The following NAALADL2 variants were observed in gnomAD, a reference collection of about 807,000 sequenced individuals.
The protein encoded by NAALADL2 is inactive N-acetylated-alpha-linked acidic dipeptidase-like protein 2.
A neutral mutation model predicts 87.2 loss-of-function variants in NAALADL2; 76 were observed. That is an observed-to-expected ratio of 0.87 (90% CI 0.72 to 1.05). NAALADL2 has a LOEUF of 1.05. Ranked by LOEUF, NAALADL2 falls within the 50% of genes least tolerant of loss-of-function variation. The pLI is 0.00. For synonymous variants in NAALADL2, 354 were observed against 331.0 expected (o/e 1.07, Z -0.75); for missense variants, 1,089 against 945.8 (o/e 1.15, Z -1.99).
intron 2 of NAALADL2, among the ~76,000 whole-genome samples, chr3:174,660,263 C>A (rs1725379986): frequency 6.6e-6 from 1 of 152,086 alleles, no homozygotes; most frequent in African/African-American, 2.4e-5. Context: ...CTCAACTTTG[C>A]CAATGATTTT....
intron 13 of NAALADL2, among the ~76,000 whole-genome samples, chr3:175,788,635 A>G (rs1228809761): frequency 6.6e-6 from 1 of 152,198 alleles, no homozygotes; most frequent in Non-Finnish European, 1.5e-5. Flanking sequence ...ATGAAATCAT[A>G]TAATGATGCA....
intron 3 of NAALADL2, among the ~76,000 whole-genome samples, chr3:175,248,148 G>A (rs896092401): frequency 6.6e-6 from 1 of 152,092 alleles, no homozygotes; most frequent in Admixed American, 6.6e-5. Flanking sequence ...GGAAAAATCC[G>A]GATTACAGAG....
chr3:175,056,150 C>T (rs6793593), intron 1 of NAALADL2, among the ~76,000 whole-genome samples: 6 of 151,844 alleles, frequency 4.0e-5, no homozygotes, highest in Admixed American at 1.3e-4. Flanking sequence ...CTGGAGGGTC[C>T]GGCCGCTCTT....
chr3:175,568,171 C>T (rs940745281), intron 9 of NAALADL2, among the ~76,000 whole-genome samples: 7 of 150,878 alleles, frequency 4.6e-5, no homozygotes, highest in Admixed American at 6.6e-5. Flanking sequence ...CATTAGATGT[C>T]GGCATTTAGA....
rs533031983 is a variant in NAALADL2, at chr3:175,221,931, C to A, written c.546-12000C>A. Among the ~76,000 whole-genome samples, 3 of 152,090 alleles carry A rather than the reference C, an allele frequency of 2.0e-5. No homozygotes were observed. The South Asian group carries it at 6.2e-4, about 32-fold the overall frequency. On this transcript the variant is annotated intron_variant, in intron 2 of 13. Coordinates refer to ENST00000454872, the MANE Select transcript of NAALADL2 (RefSeq NM_207015.3). ...CTGGAACTACTGGTGCTCACCACCA[C>A]ACCTGGCTAATTTTTGTGTGTGTGT...
At chr3:175,392,666 G>C (rs753291) in intron 5 of NAALADL2, among the ~76,000 whole-genome samples, 99,997 of 152,046 alleles carry the variant, frequency 0.66, 33,196 homozygotes, top group East Asian at 0.82. Flanking sequence ...TTCCTAAAAC[G>C]GTGCACCTGC....
At chr3:174,686,760 C>T (rs1003258015) in intron 2 of NAALADL2, among the ~76,000 whole-genome samples, 1 of 151,952 alleles carries the variant, frequency 6.6e-6, no homozygotes, top group Admixed American at 6.6e-5. Context: ...TGAAACTGGA[C>T]CTCTTCCTTA....
At chr3:175,222,778 A>T (rs1743572615) in intron 2 of NAALADL2, among the ~76,000 whole-genome samples, 2 of 152,214 alleles carry the variant, frequency 1.3e-5, no homozygotes, top group South Asian at 4.1e-4. Context: ...ATTAAAAAAT[A>T]AAAATTCCAT....
chr3:175,695,940 A>G (rs887739932), intron 11 of NAALADL2, among the ~76,000 whole-genome samples: 6 of 152,172 alleles, frequency 3.9e-5, no homozygotes, highest in African/African-American at 1.2e-4. Flanking sequence ...GATGAAGCTG[A>G]TAGCTCGCCA....
At chr3:175,571,111 G>T (rs1718017458) in intron 9 of NAALADL2, among the ~76,000 whole-genome samples, 1 of 152,038 alleles carries the variant, frequency 6.6e-6, no homozygotes, top group South Asian at 2.1e-4. Context: ...AATTGTCTTG[G>T]CATCACTATT....
At chr3:175,328,608 A>G (rs1391851341) in intron 5 of NAALADL2, among the ~76,000 whole-genome samples, 4 of 152,166 alleles carry the variant, frequency 2.6e-5, no homozygotes, top group African/African-American at 9.6e-5. Context: ...TATTTCTGGA[A>G]TTCTAAGAGA....
intron 2 of NAALADL2, among the ~76,000 whole-genome samples, chr3:174,668,251 G>C (rs1726160160): frequency 6.6e-6 from 1 of 151,952 alleles, no homozygotes. Context: ...GTATATTCTG[G>C]ATGTTAGCCT....
chr3:175,550,963 C>A (rs1714241581), intron 9 of NAALADL2, among the ~76,000 whole-genome samples: 1 of 152,176 alleles, frequency 6.6e-6, no homozygotes, highest in South Asian at 2.1e-4. Context: ...AGGTTGATTT[C>A]AAATGGATTT....
At chr3:175,306,858 A>G (rs1757787850) in intron 4 of NAALADL2, among the ~76,000 whole-genome samples, 1 of 152,144 alleles carries the variant, frequency 6.6e-6, no homozygotes, top group South Asian at 2.1e-4. Context: ...CTATAGGACT[A>G]TTCTAGAATC....
At chr3:174,608,690 G>T (rs993963784) in intron 2 of NAALADL2, among the ~76,000 whole-genome samples, 2 of 151,398 alleles carry the variant, frequency 1.3e-5, no homozygotes, top group Non-Finnish European at 3.0e-5. Flanking sequence ...TAACCAAAAA[G>T]AGTCCAGGAC....
chr3:174,610,326 A>C (rs1387679130), intron 2 of NAALADL2, among the ~76,000 whole-genome samples: 3 of 151,936 alleles, frequency 2.0e-5, no homozygotes, highest in Non-Finnish European at 2.9e-5. Context: ...GGATCTAATT[A>C]AACTAAAGAG....
intron 1 of NAALADL2, among the ~76,000 whole-genome samples, chr3:174,545,450 T>C (rs1262155219): frequency 6.6e-6 from 1 of 152,200 alleles, no homozygotes; most frequent in Non-Finnish European, 1.5e-5. Context: ...TGAAATGTCT[T>C]TATTCTACTC....
At chr3:174,905,656 G>A (rs1478878392) in intron 1 of NAALADL2, among the ~76,000 whole-genome samples, 2 of 151,868 alleles carry the variant, frequency 1.3e-5, no homozygotes, top group Non-Finnish European at 2.9e-5. Flanking sequence ...TTTTATCTCA[G>A]TCTGCCACAT....
chr3:175,687,888 G>A (rs150107473), intron 11 of NAALADL2, among the ~76,000 whole-genome samples: 2,464 of 151,838 alleles, frequency 0.016, 75 homozygotes, highest in African/African-American at 0.057. Context: ...TTCGCCTTCC[G>A]CCATGATTGT....
Sources: allele counts gnomAD v4.1 joint callset (sites outside exome capture counted in the v4.1 genomes callset), GRCh38; gene constraint gnomAD v4.1.1; transcripts MANE v1.5; gene names NCBI Gene and HGNC (gene_info 2026-07-23, HGNC 2026-07-21).